AFG2A: variants seen among roughly 807,000 people sequenced by gnomAD.
AFG2A encodes the protein ATPase family gene 2 protein homolog A.
chr4:123,318,306 T>G, the AFG2A span: 2 of 152,210 alleles, frequency 1.3e-5, no homozygotes, highest in African/African-American at 4.8e-5. Flanking sequence ...ATGGGAGACA[T>G]TATGTCTGGG....
chr4:123,120,554 A>G, the AFG2A span, among the ~76,000 whole-genome samples: 4 of 152,310 alleles, frequency 2.6e-5, no homozygotes, highest in African/African-American at 9.6e-5. Context: ...TACTGCAGTC[A>G]CATTCTAGAC....
the AFG2A span, among the ~76,000 whole-genome samples, chr4:123,216,118 T>G: frequency 0.021 from 3,221 of 152,188 alleles, 63 homozygotes; most frequent in Non-Finnish European, 0.035. Context: ...ATTTTATATC[T>G]CAAGACAAAA....
the AFG2A span, chr4:122,923,336 C>A: frequency 6.2e-7 from 1 of 1,612,084 alleles, no homozygotes; most frequent in Non-Finnish European, 8.5e-7. Flanking sequence ...GACTAGAGGC[C>A]GAGGGGGCGC....
the AFG2A span, among the ~76,000 whole-genome samples, chr4:123,150,219 C>A: frequency 0.46 from 69,256 of 151,982 alleles, 19,284 homozygotes; most frequent in Non-Finnish European, 0.61. Flanking sequence ...TGGCACAAGA[C>A]AAGGATGCCC....
the AFG2A span, among the ~76,000 whole-genome samples, chr4:123,150,987 T>G: frequency 1.3e-4 from 20 of 152,178 alleles, 1 homozygote; most frequent in Admixed American, 1.3e-3. Flanking sequence ...CACCTGATCT[T>G]TGACAAACCT....
the AFG2A span, among the ~76,000 whole-genome samples, chr4:123,132,477 T>A: frequency 3.3e-5 from 5 of 150,878 alleles, no homozygotes; most frequent in East Asian, 9.7e-4. Context: ...TTTTTATGGC[T>A]GAATTATATT....
chr4:122,975,071 TA>T, the AFG2A span, among the ~76,000 whole-genome samples: 2 of 152,226 alleles, frequency 1.3e-5, no homozygotes, highest in Non-Finnish European at 2.9e-5. Flanking sequence ...ATCATCGTCT[TA>T]GTCCAGTTTC....
At chr4:123,001,973 T>A in the AFG2A span, among the ~76,000 whole-genome samples, 1 of 152,226 alleles carries the variant, frequency 6.6e-6, no homozygotes, top group African/African-American at 2.4e-5. Flanking sequence ...ACTTGCTTTA[T>A]GAATCTGGGT....
chr4:123,017,731 G>A, the AFG2A span, among the ~76,000 whole-genome samples: 1 of 151,928 alleles, frequency 6.6e-6, no homozygotes, highest in African/African-American at 2.4e-5. Flanking sequence ...TTTGGAACAG[G>A]TGCCAGCCCA....
At chr4:123,123,485 T>C in the AFG2A span, among the ~76,000 whole-genome samples, 1 of 152,172 alleles carries the variant, frequency 6.6e-6, no homozygotes, top group East Asian at 1.9e-4. Flanking sequence ...ACATCTCATA[T>C]CAATTTTTTT....
the AFG2A span, among the ~76,000 whole-genome samples, chr4:123,273,162 CAACTT>C: frequency 1.3e-5 from 2 of 152,114 alleles, no homozygotes; most frequent in East Asian, 1.9e-4. Context: ...CGCTGATCCT[CAACTT>C]AAAAGTCTGT....
At chr4:123,237,926 G>A in the AFG2A span, among the ~76,000 whole-genome samples, 537 of 152,270 alleles carry the variant, frequency 3.5e-3, 3 homozygotes, top group African/African-American at 0.012. Context: ...TCCTAGCCAA[G>A]GGAAGCCATG....
chr4:123,017,374 T>TC, the AFG2A span, among the ~76,000 whole-genome samples: 38 of 150,606 alleles, frequency 2.5e-4, no homozygotes, highest in Admixed American at 8.6e-4. Context: ...TTTTTTTTTT[T>TC]CTTTAAATCT....
the AFG2A span, among the ~76,000 whole-genome samples, chr4:123,039,253 A>G: frequency 6.6e-6 from 1 of 152,138 alleles, no homozygotes. Flanking sequence ...ATTTTATGCC[A>G]TATCCTTGGC....
the AFG2A span, among the ~76,000 whole-genome samples, chr4:123,130,353 TAACCACC>T: frequency 6.6e-6 from 1 of 152,158 alleles, no homozygotes; most frequent in Non-Finnish European, 1.5e-5. Flanking sequence ...TAGAATTGGG[TAACCACC>T]AACACAATCA....
chr4:122,934,294 C>G, the AFG2A span: 1 of 1,614,152 alleles, frequency 6.2e-7, no homozygotes, highest in South Asian at 1.1e-5. Context: ...ATCCTTACAG[C>G]TAAGCCAGTT....
the AFG2A span, among the ~76,000 whole-genome samples, chr4:122,999,886 A>G: frequency 7.9e-5 from 12 of 151,964 alleles, no homozygotes; most frequent in African/African-American, 2.9e-4. Context: ...TGAATCTATA[A>G]ATTACCTTGG....
At chr4:123,255,633 C>T in the AFG2A span, among the ~76,000 whole-genome samples, 4 of 149,916 alleles carry the variant, frequency 2.7e-5, no homozygotes, top group African/African-American at 9.8e-5. Flanking sequence ...AAATTATTTG[C>T]ACATTTTTGA....
At chr4:123,022,252 C>G in the AFG2A span, among the ~76,000 whole-genome samples, 17 of 151,832 alleles carry the variant, frequency 1.1e-4, 1 homozygote, top group Non-Finnish European at 2.4e-4. Context: ...GAACAGGCAA[C>G]CTACAGAATG....
Sources: gnomAD v4.1 joint callset for allele counts (sites outside exome capture counted in the v4.1 genomes callset) on GRCh38, gnomAD v4.1.1 for gene constraint, MANE v1.5 for transcripts, NCBI Gene and HGNC (gene_info 2026-07-23, HGNC 2026-07-21) for gene names.